ANAPC10: variants seen among roughly 807,000 people sequenced by gnomAD.
ANAPC10 encodes anaphase-promoting complex subunit 10.
ANAPC10 carries 12 observed loss-of-function variants against 22.0 expected under a neutral mutation model. The observed-to-expected ratio is 0.55, with a 90% confidence interval of 0.35 to 0.88. The LOEUF is 0.88. Ranked by LOEUF, ANAPC10 falls within the 40% of genes least tolerant of loss-of-function variation. The pLI, the probability that ANAPC10 is intolerant of heterozygous loss-of-function variation, is 0.01. For synonymous variants in ANAPC10, 65 were observed against 69.5 expected (o/e 0.94, Z 0.32); for missense variants, 188 against 220.9 (o/e 0.85, Z 0.94).
intron 4 of ANAPC10, among the ~76,000 whole-genome samples, chr4:145,054,624 TGTGTGTGTGTGTGTGTGC>T (rs1200730397): frequency 0.02 from 2,630 of 132,292 alleles, 49 homozygotes; most frequent in Admixed American, 0.022. Flanking sequence ...TGTGTGTGTG[TGTGTGTGTGTGTGTGTGC>T]GCGCGCGCGC....
At chr4:144,995,848 C>T (rs565983005) in intron 4 of ANAPC10, among the ~76,000 whole-genome samples, 2 of 152,242 alleles carry the variant, frequency 1.3e-5, no homozygotes, top group South Asian at 2.1e-4. Flanking sequence ...TTACTGAACT[C>T]GTACAATTTA....
intron 2 of ANAPC10, among the ~76,000 whole-genome samples, chr4:145,094,617 T>A (rs1351565738): frequency 1.3e-5 from 2 of 152,190 alleles, no homozygotes; most frequent in African/African-American, 4.8e-5. Flanking sequence ...AGATGACTAC[T>A]AAACTAATAA....
intron 4 of ANAPC10, among the ~76,000 whole-genome samples, chr4:145,025,194 T>A (rs1736485861): frequency 6.6e-6 from 1 of 152,182 alleles, no homozygotes; most frequent in Non-Finnish European, 1.5e-5. Context: ...TCCAGAACAT[T>A]CTTTCTCCAT....
chr4:145,031,579 G>C (rs1737586926), intron 4 of ANAPC10, among the ~76,000 whole-genome samples: 1 of 152,208 alleles, frequency 6.6e-6, no homozygotes, highest in Non-Finnish European at 1.5e-5. Context: ...TGACAGTTTT[G>C]AGTGGGGTCC....
intron 4 of ANAPC10, among the ~76,000 whole-genome samples, chr4:145,029,034 G>C (rs1000434488): frequency 6.6e-6 from 1 of 152,170 alleles, no homozygotes; most frequent in African/African-American, 2.4e-5. Context: ...AACGAAAGAT[G>C]CATGTACAGC....
chr4:145,054,389 AAAAAAAAAT>A (rs1350320312), intron 4 of ANAPC10, among the ~76,000 whole-genome samples: 4 of 145,490 alleles, frequency 2.7e-5, no homozygotes, highest in Non-Finnish European at 6.1e-5. Context: ...GTCTCTACTA[AAAAAAAAAT>A]ATACAAAAAA....
rs112041018 is a variant in ANAPC10, at chr4:145,034,577, A to G, written c.327+29995T>C. The stretch of plus-strand genomic sequence containing the variant: ...TGTGTGTGTGTGTGTGTGTGTGTGT[A>G]TATATCCCACATACATATCCTATAT... On this transcript the variant is annotated intron_variant, in intron 4 of 4. Coordinates refer to ENST00000507656, the MANE Select transcript of ANAPC10 (RefSeq NM_001256706.2). Among the ~76,000 whole-genome samples the G allele has an allele frequency of 5.6e-4, 78 of 139,264 alleles. 2 individuals are homozygous for G. Among genetic ancestry groups the G allele is most frequent in the African/African-American group, 2.1e-3 (73 of 35,422 alleles). The allele number at this position is 139,264 out of a possible 152,430, so 91.4% of individuals were successfully genotyped here.
intron 1 of ANAPC10, among the ~76,000 whole-genome samples, chr4:145,096,787 C>T (rs1414436930): frequency 6.6e-6 from 1 of 151,938 alleles, no homozygotes; most frequent in Non-Finnish European, 1.5e-5. Flanking sequence ...TTGCTTCAAG[C>T]GATCCTCCCA....
intron 3 of ANAPC10, 72 bp downstream of exon 3, chr4:145,081,585 ATTT>A (rs1746019149): frequency 2.1e-6 from 2 of 954,240 alleles, no homozygotes; most frequent in East Asian, 5.4e-5. Context: ...TCTATCTTTA[ATTT>A]TTATGTTAAT....
chr4:145,076,607 G>T (rs1028329047), intron 3 of ANAPC10, among the ~76,000 whole-genome samples: 2 of 152,204 alleles, frequency 1.3e-5, no homozygotes, highest in Non-Finnish European at 2.9e-5. Context: ...TGAAATGACA[G>T]AAATGACAGA....
chr4:145,003,953 G>A (rs12506689), intron 4 of ANAPC10, among the ~76,000 whole-genome samples: 42,023 of 151,982 alleles, frequency 0.28, 7,295 homozygotes, highest in Non-Finnish European at 0.38. Context: ...TAACAATATT[G>A]AGTCTTCCTA....
intron 4 of ANAPC10, among the ~76,000 whole-genome samples, chr4:145,044,084 C>T (rs965665989): frequency 6.6e-6 from 1 of 152,024 alleles, no homozygotes; most frequent in Admixed American, 6.6e-5. Context: ...TGCACCAGCA[C>T]AAATACAAAC....
At chr4:145,095,885 T>G (rs1748431889) in intron 2 of ANAPC10, 100 bp downstream of exon 2, 1 of 1,514,560 alleles carries the variant, frequency 6.6e-7, no homozygotes, top group Non-Finnish European at 9.2e-7. Flanking sequence ...AGGCATCCAC[T>G]GGGAGTCCTG....
At position 145,059,878 on chromosome 4, in the gene ANAPC10, TC is replaced by T. The variant is rs534437376; in HGVS notation, c.327+4693del. ...AAAAAAAAATCTCACACATTATTTT[TC>T]CTTCTGAGAGCAAAAGAAAAGAACA... On this transcript the variant is annotated intron_variant, in intron 4 of 4. Transcript: ENST00000507656. 2.0e-3 allele frequency among the ~76,000 whole-genome samples: 306 copies of T among 152,196 alleles called. 2 individuals are homozygous for T. The highest frequency in any genetic ancestry group is 3.9e-3 in the Non-Finnish European group (263 of 67,926).
At chr4:145,037,298 G>A (rs1175835134) in intron 4 of ANAPC10, among the ~76,000 whole-genome samples, 3 of 151,954 alleles carry the variant, frequency 2.0e-5, no homozygotes, top group South Asian at 2.1e-4. Flanking sequence ...CAAACATATA[G>A]AAATTTAGAC....
At chr4:145,080,855 C>T (rs891033473) in intron 3 of ANAPC10, among the ~76,000 whole-genome samples, 10 of 147,112 alleles carry the variant, frequency 6.8e-5, no homozygotes, top group African/African-American at 2.5e-4. Context: ...TGCAGTAACC[C>T]GAGATCACGC....
At chr4:145,084,553 C>A (rs1442030738) in intron 2 of ANAPC10, among the ~76,000 whole-genome samples, 1 of 151,730 alleles carries the variant, frequency 6.6e-6, no homozygotes, top group Non-Finnish European at 1.5e-5. Context: ...ACATAAAATA[C>A]ACTAACATTA....
intron 4 of ANAPC10, among the ~76,000 whole-genome samples, chr4:145,001,913 T>A (rs971049646): frequency 4.6e-5 from 7 of 152,032 alleles, no homozygotes; most frequent in African/African-American, 1.7e-4. Flanking sequence ...TAAACAAAGC[T>A]TACATTAAAA....
In ANAPC10 at chr4:144,994,997, T is replaced by A. The variant is rs35951149; in HGVS notation, c.*376A>T. 6.4e-6 allele frequency: 1 copy of A among 157,468 alleles called. No homozygotes were observed. Among genetic ancestry groups the A allele is most frequent in the East Asian group, 1.9e-4 (1 of 5,348 alleles). The allele number at this position is 157,468 out of a possible 1,614,324, so 9.8% of individuals were successfully genotyped here. A position where few individuals can be genotyped will look rare whatever the true frequency, so the allele number is the denominator to read the frequency against. On this transcript the variant is annotated 3_prime_UTR_variant, in exon 5 of 5. Transcript: ENST00000507656. ...TAAAACACAGTCTTGTTCTCAAATA[T>A]GCAATAAACCATTACTCTAATGTAT...
Sources: gnomAD v4.1 joint callset for allele counts (sites outside exome capture counted in the v4.1 genomes callset) on GRCh38, gnomAD v4.1.1 for gene constraint, MANE v1.5 for transcripts, NCBI Gene and HGNC (gene_info 2026-07-23, HGNC 2026-07-21) for gene names.